Variants in PRRC2B observed in about 807,000 individuals in gnomAD.
The protein encoded by PRRC2B is protein PRRC2B.
A neutral mutation model predicts 242.3 loss-of-function variants in PRRC2B; 68 were observed. That is an observed-to-expected ratio of 0.28 (90% confidence interval 0.23 to 0.34). The LOEUF (loss-of-function observed/expected upper bound fraction) is 0.34, where lower values mean the gene tolerates loss of function less well. Among genes scored for constraint, PRRC2B ranks in the 10% least tolerant of loss-of-function variants. The pLI, the probability that PRRC2B is intolerant of heterozygous loss-of-function variation, is 1.00. For synonymous variants in PRRC2B, 1,228 were observed against 1,173.6 expected, an observed-to-expected ratio of 1.05 and a Z score of -0.95; for missense variants, 2,835 against 2,954.8, an observed-to-expected ratio of 0.96 and a Z score of 0.94.
chr9:131,429,516 A>G (rs1404989156), intron 1 of PRRC2B, among the ~76,000 whole-genome samples: 1 of 152,186 alleles, frequency 6.6e-6, no homozygotes. Flanking sequence ...TTGTTGCCTA[A>G]GCAGATGTTT....
At chr9:131,489,305 G>A (rs1944117920) in intron 28 of PRRC2B, among the ~76,000 whole-genome samples, 1 of 151,126 alleles carries the variant, frequency 6.6e-6, no homozygotes, top group Non-Finnish European at 1.5e-5. Flanking sequence ...TCGTGCCTCA[G>A]CCTCCCGAGT....
At chr9:131,438,372 G>C (rs1412155744) in intron 4 of PRRC2B, among the ~76,000 whole-genome samples, 1 of 152,104 alleles carries the variant, frequency 6.6e-6, no homozygotes, top group Non-Finnish European at 1.5e-5. Context: ...AGCCTTCTCA[G>C]GGGGTGGTGA....
intron 28 of PRRC2B, 118 bp from the exon 29 acceptor site, chr9:131,491,307 T>C: frequency 9.6e-7 from 1 of 1,039,076 alleles, no homozygotes; most frequent in Non-Finnish European, 1.4e-6. Flanking sequence ...TTATGCAGGC[T>C]TTGCTTTAGT....
intron 14 of PRRC2B, 118 bp downstream of exon 14, chr9:131,471,101 C>A: frequency 3.2e-6 from 2 of 632,180 alleles, no homozygotes; most frequent in Non-Finnish European, 5.4e-6. Flanking sequence ...TTGTCAAGTA[C>A]ACAACTGGTC....
chr9:131,497,401 T>C lies in PRRC2B; in HGVS notation c.*1527T>C, dbSNP rs1269565102. ...AAGGGGACAGTTCAGGTTTCTCAGC[T>C]GTTCTTAGGGGTCACTGAGCGTCTA... On this transcript the variant is annotated 3_prime_UTR_variant, in exon 32 of 32. Coordinates refer to ENST00000683519, the MANE Select transcript of PRRC2B (RefSeq NM_013318.4). 6.6e-6 allele frequency: 1 copy of C among 152,224 alleles called. No individual in the cohort carries two copies. Among genetic ancestry groups the C allele is most frequent in the Non-Finnish European group, 1.5e-5 (1 of 68,054 alleles). The allele number at this position is 152,224 out of a possible 1,614,324, so 9.4% of individuals were successfully genotyped here.
chr9:131,437,802 A>G (rs1391979751), intron 4 of PRRC2B, among the ~76,000 whole-genome samples: 1 of 152,204 alleles, frequency 6.6e-6, no homozygotes, highest in Non-Finnish European at 1.5e-5. Context: ...CAGAGTATTT[A>G]GAGTTGAGTT....
At chr9:131,468,550 A>G (rs992484946) in intron 13 of PRRC2B, among the ~76,000 whole-genome samples, 1 of 152,166 alleles carries the variant, frequency 6.6e-6, no homozygotes, top group African/African-American at 2.4e-5. Context: ...TAGTCCTGAT[A>G]GTCTTGAAGC....
intron 1 of PRRC2B, among the ~76,000 whole-genome samples, chr9:131,388,840 C>CTTTT (rs1315362492): frequency 1.7e-5 from 2 of 121,134 alleles, no homozygotes; most frequent in Non-Finnish European, 3.5e-5. Context: ...CTCCTTTTAC[C>CTTTT]TTTTTTTTTT....
At chr9:131,420,499 T>TCCCTTCC (rs889470295) in intron 1 of PRRC2B, among the ~76,000 whole-genome samples, 4 of 84,548 alleles carry the variant, frequency 4.7e-5, no homozygotes, top group African/African-American at 1.8e-4. Context: ...CTTTCTTTTT[T>TCCCTTCC]TTTTTTTTTT....
chr9:131,394,030 A>AGGCGGG (rs1376972306), upstream of PRRC2B: 2 of 146,360 alleles, frequency 1.4e-5, no homozygotes, highest in Non-Finnish European at 3.0e-5. Context: ...GAGGACGAGG[A>AGGCGGG]GGCGGGGGCG....
At chr9:131,440,460 TAAAAGA>T (rs1403370991) in intron 5 of PRRC2B, among the ~76,000 whole-genome samples, 8 of 152,122 alleles carry the variant, frequency 5.3e-5, no homozygotes, top group Non-Finnish European at 8.8e-5. Flanking sequence ...CTACAAAAAT[TAAAAGA>T]AAAACTTCTG....
At chr9:131,410,107 C>A (rs1837467778) in intron 1 of PRRC2B, among the ~76,000 whole-genome samples, 2 of 152,202 alleles carry the variant, frequency 1.3e-5, no homozygotes. Flanking sequence ...ATGTTGAAAT[C>A]ATCTTCTTCC....
Position 131,486,146 on chromosome 9 carries a change from TCCTCAAACGATA to T in PRRC2B, c.5826_5837del (p.Thr1943_Gln1946del). ...TGTTTGCAAGTCAGCCCCGGCTGGT[TCCTCAAACGATA>T]CCTCAGCAGCAGAGTTACCAACAGG... On this transcript the variant is annotated inframe_deletion, in exon 26 of 32. Transcript: ENST00000683519. 1.2e-6 allele frequency: 2 copies of T among 1,612,826 alleles called. No individual in the cohort carries two copies. Among genetic ancestry groups the T allele is most frequent in the Non-Finnish European group, 1.7e-6 (2 of 1,179,396 alleles).
intron 5 of PRRC2B, 113 bp downstream of exon 5, chr9:131,439,174 C>A: frequency 1.2e-6 from 1 of 831,580 alleles, no homozygotes; most frequent in South Asian, 1.5e-5. Context: ...GACTCTCTTC[C>A]ACAAAGAGGT....
intron 14 of PRRC2B, among the ~76,000 whole-genome samples, chr9:131,471,343 G>A (rs1943541121): frequency 6.6e-6 from 1 of 151,848 alleles, no homozygotes; most frequent in South Asian, 2.1e-4. Flanking sequence ...CAGTATTTGG[G>A]CTTCTTCATT....
intron 23 of PRRC2B, among the ~76,000 whole-genome samples, chr9:131,483,769 G>A (rs752336271): frequency 6.6e-6 from 1 of 152,172 alleles, no homozygotes; most frequent in Non-Finnish European, 1.5e-5. Context: ...GCCCTCCTCA[G>A]GAGGCCCCAT....
At chr9:131,463,646 T>C (rs994012697) in intron 11 of PRRC2B, among the ~76,000 whole-genome samples, 4 of 147,434 alleles carry the variant, frequency 2.7e-5, no homozygotes, top group Non-Finnish European at 3.0e-5. Context: ...TTTTTTTTTT[T>C]CTTAATGGGA....
At chr9:131,417,833 C>T (rs781640610) in intron 1 of PRRC2B, among the ~76,000 whole-genome samples, 7 of 152,146 alleles carry the variant, frequency 4.6e-5, no homozygotes, top group Admixed American at 3.3e-4. Context: ...TTTATGTACA[C>T]GGGTGTGGGA....
chr9:131,446,467 C>T lies in PRRC2B; in HGVS notation c.680C>T (p.Pro227Leu), dbSNP rs1838803110. The T allele has an allele frequency of 5.6e-6, 9 of 1,613,736 alleles. No individual in the cohort carries two copies. The highest frequency in any genetic ancestry group is 7.6e-6 in the Non-Finnish European group (9 of 1,179,874). The change falls in exon 7 of 32, where the codon CCA becomes CTA. Residue 227 changes from proline to leucine, a missense_variant. Around this residue, in one of 7 missense-constraint regions of PRRC2B, gnomAD observed 626 missense variants for 685.5 expected, o/e 0.91. Coordinates refer to ENST00000683519, the MANE Select transcript of PRRC2B (RefSeq NM_013318.4). The surrounding 1 kb of genome is among the most constrained non-coding windows in gnomAD (Gnocchi z 4.1). ...IISATSLSTS[P>L]TELGSRNSST... ...TCTGCCACGTCTCTGAGCACCTCCC[C>T]AACTGAGCTGGGCAGCAGGAACTCG... is the stretch of plus-strand genomic sequence containing the variant.
Sources: allele counts gnomAD v4.1 joint callset (sites outside exome capture counted in the v4.1 genomes callset), GRCh38; gene constraint gnomAD v4.1.1; regional missense constraint gnomAD v4.1.1; non-coding constraint Gnocchi (gnomAD v3.1); transcripts MANE v1.5; gene names NCBI Gene and HGNC (gene_info 2026-07-23, HGNC 2026-07-21).